Variants in NRXN1 observed in about 807,000 individuals in gnomAD.
NRXN1 encodes neurexin 1.
NRXN1 carries 39 observed loss-of-function variants against 150.9 expected under a neutral mutation model. The ratio of observed to expected loss-of-function variants is 0.26; its 90% CI spans 0.20 to 0.34. The LOEUF (loss-of-function observed/expected upper bound fraction) is 0.34, where lower values mean the gene tolerates loss of function less well. NRXN1 is among the 10% of genes least tolerant of loss of function. NRXN1 has a pLI of 1.00. For synonymous variants in NRXN1, 924 were observed against 757.0 expected, an observed-to-expected ratio of 1.22 and a Z score of -3.62; for missense variants, 1,815 against 1,949.9, an observed-to-expected ratio of 0.93 and a Z score of 1.30.
chr2:50,018,110 A>C (rs558674460), intron 21 of NRXN1, among the ~76,000 whole-genome samples: 1 of 152,218 alleles, frequency 6.6e-6, no homozygotes, highest in Non-Finnish European at 1.5e-5. Flanking sequence ...TGAACTGAAA[A>C]AGTTAATGCA....
chr2:50,254,017 G>T lies in NRXN1; in HGVS notation c.3365-17047C>A, dbSNP rs987613122. 2.6e-5 allele frequency among the ~76,000 whole-genome samples: 4 copies of T among 151,966 alleles called. No homozygotes were observed. In the South Asian group the frequency reaches 6.2e-4, roughly 24 times the overall value. ...CCAGCTCCCCTCTGTATCTCTAGGA[G>T]AATTCAGCTGTAATTCCATCTGGTC... On this transcript the variant is annotated intron_variant, in intron 17 of 22. Coordinates refer to ENST00000401669, the MANE Select transcript of NRXN1 (RefSeq NM_001330078.2).
At chr2:50,004,774 A>G (rs1240527353) in intron 21 of NRXN1, among the ~76,000 whole-genome samples, 2 of 152,142 alleles carry the variant, frequency 1.3e-5, no homozygotes, top group African/African-American at 2.4e-5. Context: ...CAGAGCTTCT[A>G]TTGTCTTCTT....
At chr2:50,399,825 A>ATTTTCAG (rs1361648490) in intron 17 of NRXN1, among the ~76,000 whole-genome samples, 1 of 75,664 alleles carries the variant, frequency 1.3e-5, no homozygotes, top group Non-Finnish European at 3.0e-5. Flanking sequence ...AAAAAAAAAA[A>ATTTTCAG]AAAAAAAAAA....
intron 2 of NRXN1, among the ~76,000 whole-genome samples, chr2:50,968,459 C>T (rs1694470944): frequency 6.6e-6 from 1 of 152,022 alleles, no homozygotes; most frequent in African/African-American, 2.4e-5. Flanking sequence ...TCTATCTGTA[C>T]CCATGCTCTC....
At chr2:50,835,780 T>C (rs879814252) in intron 5 of NRXN1, among the ~76,000 whole-genome samples, 13 of 152,158 alleles carry the variant, frequency 8.5e-5, no homozygotes, top group Admixed American at 2.0e-4. Flanking sequence ...AGAAGCAGGG[T>C]TGATACCTGA....
chr2:50,166,840 C>T (rs1234698791), intron 18 of NRXN1, among the ~76,000 whole-genome samples: 1 of 151,966 alleles, frequency 6.6e-6, no homozygotes, highest in East Asian at 1.9e-4. Flanking sequence ...AGAGGCTAAT[C>T]ACAACTAGGA....
chr2:50,629,453 G>T (rs954655463), intron 5 of NRXN1, among the ~76,000 whole-genome samples: 1 of 151,640 alleles, frequency 6.6e-6, no homozygotes, highest in African/African-American at 2.4e-5. Context: ...CAAGACAGTG[G>T]CTATGCTTGG....
rs370021603 is a variant in NRXN1, at chr2:50,224,971, G to C, written c.3546+11818C>G. On this transcript the variant is annotated intron_variant, in intron 18 of 22. Coordinates refer to ENST00000401669, the MANE Select transcript of NRXN1 (RefSeq NM_001330078.2). ...TAGACTCAGAGAAATGATCACCTGTGTGTAGTATTTGAATCTGAAGGTGGA... is the reference window on the plus strand; with the variant it reads ...TAGACTCAGAGAAATGATCACCTGTCTGTAGTATTTGAATCTGAAGGTGGA... 4.6e-5 allele frequency among the ~76,000 whole-genome samples: 7 copies of C among 152,090 alleles called. No individual in the cohort carries two copies. The East Asian group carries it at 7.8e-4, about 17-fold the overall frequency.
chr2:50,352,202 G>A (rs555630918), intron 17 of NRXN1, among the ~76,000 whole-genome samples: 1 of 152,266 alleles, frequency 6.6e-6, no homozygotes, highest in South Asian at 2.1e-4. Context: ...TGAAAGTTGA[G>A]AGGAAAACAC....
chr2:50,998,536 C>T (rs2352543), intron 2 of NRXN1, among the ~76,000 whole-genome samples: 95,685 of 151,842 alleles, frequency 0.63, 30,544 homozygotes, highest in East Asian at 0.75. Context: ...TCTATTAGGT[C>T]TTCAAAAAGG....
At chr2:50,762,229 AC>A (rs1405313112) in intron 5 of NRXN1, among the ~76,000 whole-genome samples, 1 of 151,736 alleles carries the variant, frequency 6.6e-6, no homozygotes, top group African/African-American at 2.4e-5. Context: ...ACAGCCTTGA[AC>A]TTCTGGACTC....
intron 18 of NRXN1, among the ~76,000 whole-genome samples, chr2:50,118,453 CT>C (rs11398725): frequency 6.0e-5 from 9 of 149,288 alleles, no homozygotes; most frequent in South Asian, 4.2e-4. Context: ...TAAGTGTTTT[CT>C]TTTTTTTTTC....
At chr2:50,765,294 CACATCTCT>C (rs1402924718) in intron 5 of NRXN1, among the ~76,000 whole-genome samples, 1 of 152,026 alleles carries the variant, frequency 6.6e-6, no homozygotes, top group Non-Finnish European at 1.5e-5. Flanking sequence ...TGGAATGTAA[CACATCTCT>C]ACCAGGTTAA....
chr2:50,986,716 T>A (rs547878562), intron 2 of NRXN1, among the ~76,000 whole-genome samples: 1 of 112,844 alleles, frequency 8.9e-6, no homozygotes, highest in South Asian at 3.3e-4. Flanking sequence ...AGCTTTTTTA[T>A]AAATATAATT....
intron 2 of NRXN1, among the ~76,000 whole-genome samples, chr2:50,940,596 A>T (rs1380475010): frequency 1.3e-5 from 2 of 152,188 alleles, no homozygotes; most frequent in African/African-American, 4.8e-5. Flanking sequence ...TCAATAACTA[A>T]ACTACTTAAG....
intron 5 of NRXN1, chr2:50,913,072 A>T (rs1410597545): frequency 6.6e-6 from 1 of 151,990 alleles, no homozygotes; most frequent in African/African-American, 2.4e-5. Flanking sequence ...AAAACAATTC[A>T]AAACGCATTT....
At chr2:50,462,459 G>A (rs893263826) in intron 17 of NRXN1, among the ~76,000 whole-genome samples, 1 of 151,632 alleles carries the variant, frequency 6.6e-6, no homozygotes, top group Non-Finnish European at 1.5e-5. Flanking sequence ...AGAGGAATAA[G>A]AAATGGGAGA....
At chr2:50,255,626 T>C (rs934815319) in intron 17 of NRXN1, among the ~76,000 whole-genome samples, 1 of 152,124 alleles carries the variant, frequency 6.6e-6, no homozygotes, top group Non-Finnish European at 1.5e-5. Context: ...GAGAAAAACC[T>C]ATAAAACAGA....
intron 2 of NRXN1, among the ~76,000 whole-genome samples, chr2:50,943,203 G>A (rs1446739966): frequency 6.6e-6 from 1 of 152,080 alleles, no homozygotes; most frequent in African/African-American, 2.4e-5. Flanking sequence ...GGAACTGTAA[G>A]TCAATTAAAC....
Sources: allele counts gnomAD v4.1 joint callset (sites outside exome capture counted in the v4.1 genomes callset), GRCh38; gene constraint gnomAD v4.1.1; transcripts MANE v1.5; gene names NCBI Gene and HGNC (gene_info 2026-07-23, HGNC 2026-07-21).